The following PCDHA5 variants were observed in gnomAD, a reference collection of about 807,000 sequenced individuals.
The protein encoded by PCDHA5 is protocadherin alpha-5.
In PCDHA5, 43 loss-of-function variants were observed where a neutral mutation model predicts 61.6. The ratio of observed to expected loss-of-function variants is 0.70; its 90% CI spans 0.55 to 0.90. The LOEUF (loss-of-function observed/expected upper bound fraction) is 0.90. Ranked by LOEUF, PCDHA5 falls within the 40% of genes least tolerant of loss-of-function variation. The pLI, the probability that PCDHA5 is intolerant of heterozygous loss-of-function variation, is 0.00. For missense variants in PCDHA5, 1,298 were observed against 1,222.7 expected, an observed-to-expected ratio of 1.06 and a Z score of -0.92; for synonymous variants, 627 against 543.9, an observed-to-expected ratio of 1.15 and a Z score of -2.13.
rs1554202548 is a variant in PCDHA5 at position 140,925,108 on chromosome 5, G to GGAAGGAAGGAAGGAAGGAAGGAAGGAA, written c.2353-53840_2353-53839insAAGGAAGGAAGGAAGGAAGGAAGGAAG. On this transcript the variant is annotated intron_variant, in intron 1 of 3. Transcript: ENST00000529859. ...AAGGAAGGAAGGAAGGAAGGAAGGA[G>GGAAGGAAGGAAGGAAGGAAGGAAGGAA]GGAAGGAAGGAAGGAAAAAAAATTT... Among the ~76,000 whole-genome samples, 52 of 124,778 alleles carry GGAAGGAAGGAAGGAAGGAAGGAAGGAA rather than the reference G, an allele frequency of 4.2e-4. No individual in the cohort carries two copies. The Middle Eastern group carries it at 0.013, about 31-fold the overall frequency. The allele number at this position is 124,778 out of a possible 152,430, so 81.9% of individuals were successfully genotyped here. A position where few individuals can be genotyped will look rare whatever the true frequency, so the allele number is the denominator to read the frequency against.
At chr5:140,857,939 A>C in intron 1 of PCDHA5, 1 of 1,597,618 alleles carries the variant, frequency 6.3e-7, no homozygotes, top group Middle Eastern at 1.7e-4. Flanking sequence ...GGGCGAGATC[A>C]GTACGACGCG....
intron 1 of PCDHA5, among the ~76,000 whole-genome samples, chr5:140,894,646 C>A (rs1481747888): frequency 2.0e-5 from 3 of 151,766 alleles, no homozygotes; most frequent in African/African-American, 7.3e-5. Flanking sequence ...ATTACTGAGT[C>A]TCTCTAATTC....
intron 1 of PCDHA5, among the ~76,000 whole-genome samples, chr5:140,881,137 A>G (rs1554171789): frequency 6.6e-6 from 1 of 152,246 alleles, no homozygotes; most frequent in Non-Finnish European, 1.5e-5. Context: ...AGAGATAGTT[A>G]TAACAATAGA....
Position 141,011,176 on chromosome 5 carries a change from A to G in PCDHA5, c.*1239A>G, listed in dbSNP as rs1198355681. On this transcript the variant is annotated 3_prime_UTR_variant, in exon 4 of 4. Coordinates refer to ENST00000529859, the MANE Select transcript of PCDHA5 (RefSeq NM_018908.3). The stretch of plus-strand genomic sequence containing the variant: ...ACCAACTATATATCAAGACCCAAAA[A>G]TTGAAGAAAAATATTGTTTTCTCAT... 1 of 153,724 alleles carries G rather than the reference A, an allele frequency of 6.5e-6. No homozygotes were observed. The highest frequency in any genetic ancestry group is 1.5e-5 in the Non-Finnish European group (1 of 68,024). The allele number at this position is 153,724 out of a possible 1,614,324, so 9.5% of individuals were successfully genotyped here.
intron 1 of PCDHA5, chr5:140,877,128 G>C (rs782052511): frequency 3.1e-6 from 5 of 1,613,762 alleles, no homozygotes; most frequent in Non-Finnish European, 4.2e-6. Flanking sequence ...TGACGCTGCA[G>C]GTGTTCGTGC....
intron 1 of PCDHA5, among the ~76,000 whole-genome samples, chr5:140,855,674 A>G (rs1431720219): frequency 1.3e-5 from 2 of 149,852 alleles, no homozygotes; most frequent in Non-Finnish European, 3.0e-5. Context: ...CTACTCTGAG[A>G]GTCTACATTT....
chr5:140,992,789 T>G (rs2097528439), intron 3 of PCDHA5, among the ~76,000 whole-genome samples: 1 of 152,148 alleles, frequency 6.6e-6, no homozygotes, highest in Admixed American at 6.5e-5. Flanking sequence ...AGGGTCAATT[T>G]TATGGATCCA....
At position 140,960,349 on chromosome 5, in the gene PCDHA5, A is replaced by T. The variant is rs936485666; in HGVS notation, c.2353-18600A>T. Among the ~76,000 whole-genome samples, 8 of 152,238 alleles carry T rather than the reference A, an allele frequency of 5.3e-5. No homozygotes were observed. The East Asian group carries it at 1.3e-3, about 26-fold the overall frequency. ...GAGAAGTACATGAGGTGAGATATGTACTGAAATAATATGCCAACTCTTAAG... is the reference window on the plus strand; with the variant it reads ...GAGAAGTACATGAGGTGAGATATGTTCTGAAATAATATGCCAACTCTTAAG... On this transcript the variant is annotated intron_variant, in intron 1 of 3. Coordinates refer to ENST00000529859, the MANE Select transcript of PCDHA5 (RefSeq NM_018908.3).
At chr5:140,882,435 T>C in intron 1 of PCDHA5, 2 of 1,614,036 alleles carry the variant, frequency 1.2e-6, no homozygotes, top group East Asian at 4.5e-5. Context: ...GGGCTGGAGC[T>C]GGCGGAGCTG....
intron 3 of PCDHA5, among the ~76,000 whole-genome samples, chr5:140,994,698 C>G (rs1238723224): frequency 6.6e-6 from 1 of 151,898 alleles, no homozygotes; most frequent in Non-Finnish European, 1.5e-5. Context: ...GAATGAGACC[C>G]TGTCTCAAAA....
At chr5:140,831,431 C>A (rs1771526531) in intron 1 of PCDHA5, among the ~76,000 whole-genome samples, 1 of 151,698 alleles carries the variant, frequency 6.6e-6, no homozygotes, top group African/African-American at 2.4e-5. Flanking sequence ...GCAATAATGG[C>A]TCACTGCACC....
chr5:140,965,236 A>G (rs1374558346), intron 1 of PCDHA5, among the ~76,000 whole-genome samples: 1 of 152,222 alleles, frequency 6.6e-6, no homozygotes, highest in African/African-American at 2.4e-5. Flanking sequence ...GAACCTGGGA[A>G]GAGTGAATAT....
At chr5:140,876,956 T>A in intron 1 of PCDHA5, 1 of 1,613,342 alleles carries the variant, frequency 6.2e-7, no homozygotes, top group Non-Finnish European at 8.5e-7. Flanking sequence ...TACTCGCTGG[T>A]GGAGCGGCGG....
intron 1 of PCDHA5, chr5:140,827,925 T>TG (rs1769455571): frequency 1.0e-6 from 1 of 988,318 alleles, no homozygotes; most frequent in African/African-American, 1.6e-5. Context: ...CTGTCTACCA[T>TG]GAAGTTATAG....
intron 3 of PCDHA5, among the ~76,000 whole-genome samples, chr5:140,993,762 A>G (rs1019928055): frequency 2.6e-5 from 4 of 152,204 alleles, no homozygotes; most frequent in Non-Finnish European, 4.4e-5. Flanking sequence ...TTATATTACA[A>G]TTGCGCAGTA....
At chr5:140,915,083 C>T in intron 1 of PCDHA5, among the ~76,000 whole-genome samples, 1 of 151,628 alleles carries the variant, frequency 6.6e-6, no homozygotes, top group East Asian at 1.9e-4. Flanking sequence ...GTAGCTGGGA[C>T]TATGGGCACG....
chr5:140,993,293 A>T (rs1445204823), intron 3 of PCDHA5, among the ~76,000 whole-genome samples: 1 of 152,062 alleles, frequency 6.6e-6, no homozygotes, highest in Non-Finnish European at 1.5e-5. Context: ...CAGGGTCACA[A>T]CCTTGCCTCC....
At chr5:140,904,091 C>A (rs536225769) in intron 1 of PCDHA5, among the ~76,000 whole-genome samples, 16 of 152,082 alleles carry the variant, frequency 1.1e-4, no homozygotes, top group Non-Finnish European at 1.8e-4. Flanking sequence ...ACATGAATAA[C>A]TACTTTAGTG....
At chr5:140,850,247 G>C (rs2150475537) in intron 1 of PCDHA5, 3 of 1,593,682 alleles carry the variant, frequency 1.9e-6, no homozygotes, top group Middle Eastern at 2.3e-4. Context: ...TGCTGCGGTC[G>C]GTGGGCGCCG....
Sources: allele counts gnomAD v4.1 joint callset (sites outside exome capture counted in the v4.1 genomes callset), GRCh38; gene constraint gnomAD v4.1.1; transcripts MANE v1.5; gene names NCBI Gene and HGNC (gene_info 2026-07-23, HGNC 2026-07-21).